MSRA: variants seen among roughly 807,000 people sequenced by gnomAD.
MSRA encodes mitochondrial peptide methionine sulfoxide reductase.
In MSRA, 54 loss-of-function variants were observed where a neutral mutation model predicts 31.3. The ratio of observed to expected loss-of-function variants is 1.73; its 90% CI spans 1.39 to 2.17. MSRA has a LOEUF of 2.17. Among genes scored for constraint, MSRA ranks in the 30% most tolerant of loss-of-function variants. The probability of loss-of-function intolerance (pLI) is 0.00; values close to 1 mark genes in which losing one functional copy is unlikely to be tolerated. For missense variants in MSRA, 507 were observed against 300.9 expected, an observed-to-expected ratio of 1.69 and a Z score of -5.07; for synonymous variants, 169 against 116.5, an observed-to-expected ratio of 1.45 and a Z score of -2.90.
At chr8:10,323,459 G>A (rs920953278) in intron 5 of MSRA, among the ~76,000 whole-genome samples, 1 of 152,134 alleles carries the variant, frequency 6.6e-6, no homozygotes, top group Non-Finnish European at 1.5e-5. Context: ...AAGATTTTCA[G>A]TTCAAGGCCA....
chr8:10,403,830 C>T (rs1414219286), intron 5 of MSRA, among the ~76,000 whole-genome samples: 1 of 152,238 alleles, frequency 6.6e-6, no homozygotes, highest in Non-Finnish European at 1.5e-5. Flanking sequence ...TGTGTCCCTG[C>T]TGAGTTGCCT....
At chr8:10,211,066 G>T (rs1488024202) in intron 2 of MSRA, among the ~76,000 whole-genome samples, 2 of 152,052 alleles carry the variant, frequency 1.3e-5, no homozygotes, top group Non-Finnish European at 2.9e-5. Flanking sequence ...TTAATCATTT[G>T]AATATACCTT....
chr8:10,272,986 T>C (rs1456808474), intron 3 of MSRA, among the ~76,000 whole-genome samples: 1 of 152,216 alleles, frequency 6.6e-6, no homozygotes, highest in Non-Finnish European at 1.5e-5. Flanking sequence ...GAGGGTGGCT[T>C]TTAAGACTGG....
Position 10,373,731 on chromosome 8 carries a change from G to T in MSRA, c.543+53742G>T, listed in dbSNP as rs955429049. 2.6e-5 allele frequency among the ~76,000 whole-genome samples: 4 copies of T among 152,252 alleles called. No homozygotes were observed. In the South Asian group the frequency reaches 6.2e-4, roughly 24 times the overall value. Reference sequence around the variant, plus strand: ...CAGGAGTGAGGGCACGTGCCGGGGGGCTGGGGAGATCAAGTGGGACAGGTG... The same window carrying T: ...CAGGAGTGAGGGCACGTGCCGGGGGTCTGGGGAGATCAAGTGGGACAGGTG... On this transcript the variant is annotated intron_variant, in intron 5 of 5. Coordinates refer to ENST00000317173, the MANE Select transcript of MSRA (RefSeq NM_012331.5).
intron 1 of MSRA, among the ~76,000 whole-genome samples, chr8:10,143,096 C>T (rs990458817): frequency 1.3e-5 from 2 of 152,164 alleles, no homozygotes; most frequent in East Asian, 1.9e-4. Flanking sequence ...AAGAATTAAG[C>T]GTAATTTTTA....
intron 3 of MSRA, among the ~76,000 whole-genome samples, chr8:10,271,611 T>G (rs942917121): frequency 2.0e-5 from 1 of 49,474 alleles, no homozygotes; most frequent in East Asian, 9.5e-4. Flanking sequence ...TACAAAAAAT[T>G]CCGATTTATC....
intron 1 of MSRA, among the ~76,000 whole-genome samples, chr8:10,178,429 G>GA (rs1430422236): frequency 6.6e-6 from 1 of 151,514 alleles, no homozygotes; most frequent in Non-Finnish European, 1.5e-5. Context: ...GTCTCTACTT[G>GA]AAAAAAAATT....
At chr8:10,092,059 T>A (rs1798885128) in intron 1 of MSRA, among the ~76,000 whole-genome samples, 1 of 147,366 alleles carries the variant, frequency 6.8e-6, no homozygotes, top group Non-Finnish European at 1.5e-5. Context: ...ATAGCCATTC[T>A]AACAGGTGTG....
At chr8:10,210,622 C>G (rs1025061015) in intron 2 of MSRA, among the ~76,000 whole-genome samples, 11 of 152,174 alleles carry the variant, frequency 7.2e-5, no homozygotes, top group African/African-American at 2.7e-4. Flanking sequence ...GTCTTACATT[C>G]CCTTGACTGT....
intron 4 of MSRA, among the ~76,000 whole-genome samples, chr8:10,314,318 C>T (rs1254481414): frequency 1.3e-5 from 2 of 151,682 alleles, no homozygotes; most frequent in Non-Finnish European, 2.9e-5. Flanking sequence ...AATGTATGTG[C>T]AGTATTTTTT....
At chr8:10,182,269 G>A (rs1173616166) in intron 1 of MSRA, among the ~76,000 whole-genome samples, 3 of 152,196 alleles carry the variant, frequency 2.0e-5, no homozygotes, top group Non-Finnish European at 4.4e-5. Context: ...AGAGATGAAG[G>A]TGCAGGCTGT....
intron 3 of MSRA, among the ~76,000 whole-genome samples, chr8:10,252,814 G>A (rs1797987058): frequency 6.6e-6 from 1 of 152,204 alleles, no homozygotes; most frequent in Non-Finnish European, 1.5e-5. Context: ...CATGCACTCA[G>A]CCAGTGCTAT....
intron 3 of MSRA, chr8:10,250,434 A>T: frequency 1.4e-6 from 1 of 702,496 alleles, no homozygotes; most frequent in Admixed American, 2.0e-5. Context: ...TGTTCAGAAC[A>T]ATTCCATGTT....
intron 3 of MSRA, among the ~76,000 whole-genome samples, chr8:10,249,008 G>A (rs993207486): frequency 1.3e-5 from 2 of 152,168 alleles, no homozygotes; most frequent in Non-Finnish European, 2.9e-5. Context: ...TGTGTAAAAG[G>A]AGCATAGGTC....
intron 5 of MSRA, among the ~76,000 whole-genome samples, chr8:10,352,495 G>A (rs1248893648): frequency 6.6e-6 from 1 of 152,084 alleles, no homozygotes; most frequent in South Asian, 2.1e-4. Flanking sequence ...CATATCGGGT[G>A]TTACTTTTAT....
At chr8:10,162,780 T>A (rs766796963) in intron 1 of MSRA, among the ~76,000 whole-genome samples, 4 of 152,112 alleles carry the variant, frequency 2.6e-5, no homozygotes, top group African/African-American at 4.8e-5. Flanking sequence ...CCATTACCAT[T>A]TGTAGATGGG....
intron 1 of MSRA, among the ~76,000 whole-genome samples, chr8:10,079,448 C>G (rs1798170822): frequency 6.6e-6 from 1 of 152,148 alleles, no homozygotes; most frequent in Non-Finnish European, 1.5e-5. Flanking sequence ...AGCCACCACA[C>G]CCGACCATGT....
At chr8:10,340,703 A>T (rs1312848316) in intron 5 of MSRA, among the ~76,000 whole-genome samples, 2 of 152,236 alleles carry the variant, frequency 1.3e-5, no homozygotes, top group African/African-American at 4.8e-5. Context: ...CACTTTATAA[A>T]GTGGCGAGGA....
chr8:10,416,161 A>G (rs1040352408), intron 5 of MSRA, among the ~76,000 whole-genome samples: 5 of 151,248 alleles, frequency 3.3e-5, no homozygotes, highest in African/African-American at 4.9e-5. Flanking sequence ...TTGCCCGTAC[A>G]CTCTTCTGAG....
Sources: allele counts gnomAD v4.1 joint callset (sites outside exome capture counted in the v4.1 genomes callset), GRCh38; gene constraint gnomAD v4.1.1; transcripts MANE v1.5; gene names NCBI Gene and HGNC (gene_info 2026-07-23, HGNC 2026-07-21).